The following ARHGAP26 variants were observed in gnomAD, a reference collection of about 807,000 sequenced individuals.
ARHGAP26 encodes Rho GTPase activating protein 26, also known as rho GTPase-activating protein 26.
ARHGAP26 carries 38 observed loss-of-function variants against 104.8 expected under a neutral mutation model. The ratio of observed to expected loss-of-function variants is 0.36; its 90% confidence interval spans 0.28 to 0.48. ARHGAP26 has a LOEUF of 0.48. Ranked by LOEUF, ARHGAP26 falls within the 20% of genes least tolerant of loss-of-function variation. The pLI is 0.99. For synonymous variants in ARHGAP26, 341 were observed against 340.0 expected, an observed-to-expected ratio of 1.00 and a Z score of -0.03; for missense variants, 704 against 947.9, an observed-to-expected ratio of 0.74 and a Z score of 3.38.
intron 11 of ARHGAP26, among the ~76,000 whole-genome samples, chr5:142,984,589 G>A (rs1300831045): frequency 6.6e-6 from 1 of 152,150 alleles, no homozygotes; most frequent in Non-Finnish European, 1.5e-5. Flanking sequence ...TTAGCGTAAT[G>A]CATAGAAGTA....
At chr5:143,074,649 C>T (rs1475835724) in intron 17 of ARHGAP26, among the ~76,000 whole-genome samples, 2 of 152,156 alleles carry the variant, frequency 1.3e-5, no homozygotes, top group East Asian at 1.9e-4. Flanking sequence ...GCTAGGATGG[C>T]AGGTTGAGAA....
chr5:143,181,485 C>T (rs755142459), intron 20 of ARHGAP26, among the ~76,000 whole-genome samples: 44 of 152,192 alleles, frequency 2.9e-4, no homozygotes, highest in Non-Finnish European at 5.6e-4. Context: ...GGAGAACTCT[C>T]GCGTGTTAGG....
chr5:142,948,201 T>C (rs991892272), intron 11 of ARHGAP26, among the ~76,000 whole-genome samples: 2 of 152,060 alleles, frequency 1.3e-5, no homozygotes, highest in African/African-American at 4.8e-5. Flanking sequence ...AGAAACCATA[T>C]ACTAAATGTC....
intron 1 of ARHGAP26, among the ~76,000 whole-genome samples, chr5:142,852,036 A>G (rs1008990864): frequency 1.3e-5 from 2 of 152,238 alleles, no homozygotes. Context: ...GTTTGCTGAC[A>G]GTCTCGCTCC....
At chr5:142,797,600 A>G (rs923740685) in intron 1 of ARHGAP26, among the ~76,000 whole-genome samples, 3 of 152,220 alleles carry the variant, frequency 2.0e-5, no homozygotes, top group African/African-American at 7.2e-5. Flanking sequence ...GCAAGATCAA[A>G]GAACAGGTGG....
At chr5:143,085,643 C>T (rs533920620) in intron 17 of ARHGAP26, among the ~76,000 whole-genome samples, 1 of 152,254 alleles carries the variant, frequency 6.6e-6, no homozygotes, top group Non-Finnish European at 1.5e-5. Flanking sequence ...TCATGCTGTC[C>T]CTGTCCCAGA....
intron 11 of ARHGAP26, among the ~76,000 whole-genome samples, chr5:142,964,687 G>T (rs980401768): frequency 2.0e-5 from 3 of 152,172 alleles, no homozygotes; most frequent in African/African-American, 7.2e-5. Context: ...AAAAGACTAG[G>T]AAGGGAGTAT....
At chr5:143,081,886 T>G (rs1156279862) in intron 17 of ARHGAP26, among the ~76,000 whole-genome samples, 1 of 151,778 alleles carries the variant, frequency 6.6e-6, no homozygotes, top group African/African-American at 2.4e-5. Flanking sequence ...TGGTGGTGGG[T>G]GTAGTCCCAG....
At chr5:142,797,753 A>T (rs1303853251) in intron 1 of ARHGAP26, among the ~76,000 whole-genome samples, 1 of 152,228 alleles carries the variant, frequency 6.6e-6, no homozygotes, top group Non-Finnish European at 1.5e-5. Flanking sequence ...GCTGAGTTTG[A>T]AAAGGCAAGT....
chr5:142,852,301 G>A (rs765065453), intron 1 of ARHGAP26, among the ~76,000 whole-genome samples: 23 of 152,256 alleles, frequency 1.5e-4, no homozygotes, highest in Non-Finnish European at 3.4e-4. Context: ...ACATATGTTA[G>A]TGAGTATTGT....
intron 1 of ARHGAP26, among the ~76,000 whole-genome samples, chr5:142,781,168 C>G (rs369951723): frequency 2.0e-5 from 3 of 152,260 alleles, no homozygotes; most frequent in East Asian, 3.9e-4. Flanking sequence ...GTGGGAAAGG[C>G]AACTGAAGGC....
intron 11 of ARHGAP26, among the ~76,000 whole-genome samples, chr5:142,972,258 A>G (rs1294104302): frequency 2.0e-5 from 3 of 151,646 alleles, no homozygotes; most frequent in Non-Finnish European, 2.9e-5. Flanking sequence ...GGTGACTGCT[A>G]TCTGGCTTTC....
intron 20 of ARHGAP26, among the ~76,000 whole-genome samples, chr5:143,193,070 T>C (rs1204889367): frequency 6.6e-6 from 1 of 152,106 alleles, no homozygotes; most frequent in Non-Finnish European, 1.5e-5. Context: ...TTAAACTTCA[T>C]AGCATTCCAA....
At position 143,094,288 on chromosome 5, in the gene ARHGAP26, C is replaced by T. The variant is rs563785849; in HGVS notation, c.1539-26700C>T. Among the ~76,000 whole-genome samples, 7 of 152,348 alleles carry T rather than the reference C, an allele frequency of 4.6e-5. No individual in the cohort carries two copies. The East Asian group carries it at 5.8e-4, about 13-fold the overall frequency. Reference sequence around the variant, plus strand: ...GTGGCATCTCCTTCCTTGGTCTGTGCACAGAGTCGTTGCCACAGTATGTGA... The same window carrying T: ...GTGGCATCTCCTTCCTTGGTCTGTGTACAGAGTCGTTGCCACAGTATGTGA... On this transcript the variant is annotated intron_variant, in intron 17 of 22. Transcript: ENST00000645722.
chr5:143,021,867 C>A (rs1231218720), intron 12 of ARHGAP26, among the ~76,000 whole-genome samples: 1 of 152,202 alleles, frequency 6.6e-6, no homozygotes, highest in African/African-American at 2.4e-5. Context: ...AGGAAGACAA[C>A]CTGCTACTGT....
chr5:142,994,825 T>A (rs968838021), intron 11 of ARHGAP26, among the ~76,000 whole-genome samples: 1 of 152,206 alleles, frequency 6.6e-6, no homozygotes, highest in Admixed American at 6.5e-5. Context: ...TGTGGTATGC[T>A]CTCCATTTTA....
chr5:142,832,626 C>A (rs1194774321), intron 1 of ARHGAP26, among the ~76,000 whole-genome samples: 1 of 152,212 alleles, frequency 6.6e-6, no homozygotes, highest in Non-Finnish European at 1.5e-5. Flanking sequence ...GGAAGCGTGG[C>A]CCCCTGATGT....
At chr5:143,019,294 T>C (rs1408401773) in intron 12 of ARHGAP26, among the ~76,000 whole-genome samples, 1 of 152,126 alleles carries the variant, frequency 6.6e-6, no homozygotes, top group Non-Finnish European at 1.5e-5. Flanking sequence ...AAGTGGTCAC[T>C]GCCAGTGTCA....
At chr5:142,802,095 T>C (rs1762181261) in intron 1 of ARHGAP26, among the ~76,000 whole-genome samples, 1 of 152,246 alleles carries the variant, frequency 6.6e-6, no homozygotes, top group African/African-American at 2.4e-5. Flanking sequence ...GTACCTTTTA[T>C]ATGAATGAGG....
Sources: allele counts gnomAD v4.1 joint callset (sites outside exome capture counted in the v4.1 genomes callset), GRCh38; gene constraint gnomAD v4.1.1; transcripts MANE v1.5; gene names NCBI Gene and HGNC (gene_info 2026-07-23, HGNC 2026-07-21).